Variants in CDH10 observed in about 807,000 individuals in gnomAD.
CDH10 encodes cadherin 10.
A neutral mutation model predicts 73.1 loss-of-function variants in CDH10; 30 were observed. The observed-to-expected ratio is 0.41, with a 90% CI of 0.31 to 0.56. The LOEUF is 0.56. Among genes scored for constraint, CDH10 ranks in the 20% least tolerant of loss-of-function variants. CDH10 has a pLI of 0.27. For missense variants in CDH10, 815 were observed against 973.7 expected (o/e 0.84, Z 2.17); for synonymous variants, 345 against 348.2 (o/e 0.99, Z 0.10).
rs529644108 is a variant in CDH10, at chr5:24,569,932, T to A, written c.231+23328A>T. 2.5e-3 allele frequency among the ~76,000 whole-genome samples: 375 copies of A among 151,892 alleles called. 5 individuals carry two copies. Among genetic ancestry groups the A allele is most frequent in the African/African-American group, 8.6e-3 (357 of 41,394 alleles). ...GCGCGTGCCACGACGCCCGGCTAAT[T>A]TTTTTGTATTTTTAGTAGAGACGGG... is the stretch of plus-strand genomic sequence containing the variant. On this transcript the variant is annotated intron_variant, in intron 2 of 11. Transcript: ENST00000264463.
chr5:24,641,302 T>C (rs531065465), intron 1 of CDH10, among the ~76,000 whole-genome samples: 1 of 152,026 alleles, frequency 6.6e-6, no homozygotes, highest in South Asian at 2.1e-4. Flanking sequence ...AAAACAGGCA[T>C]TGCTTGGTAA....
intron 2 of CDH10, among the ~76,000 whole-genome samples, chr5:24,547,551 C>T (rs1342758455): frequency 6.6e-6 from 1 of 152,132 alleles, no homozygotes; most frequent in Non-Finnish European, 1.5e-5. Context: ...TGAAGGTCTT[C>T]AAGCACATTG....
chr5:24,584,630 C>A (rs1745923314), intron 2 of CDH10, among the ~76,000 whole-genome samples: 1 of 151,562 alleles, frequency 6.6e-6, no homozygotes, highest in African/African-American at 2.4e-5. Context: ...GCCACCACGT[C>A]TGGCTAATTT....
chr5:24,566,956 T>C (rs1372220870), intron 2 of CDH10, among the ~76,000 whole-genome samples: 2 of 152,120 alleles, frequency 1.3e-5, no homozygotes, highest in Non-Finnish European at 2.9e-5. Flanking sequence ...AAATATCTTA[T>C]ATCCAGAATA....
At chr5:24,491,959 A>G in intron 10 of CDH10, 132 bp from the exon 11 acceptor site, 1 of 582,866 alleles carries the variant, frequency 1.7e-6, no homozygotes, top group Non-Finnish European at 2.9e-6. Flanking sequence ...TTCCTAAAAA[A>G]CAAGTACAAT....
intron 5 of CDH10, among the ~76,000 whole-genome samples, chr5:24,534,303 T>G (rs964041201): frequency 1.3e-5 from 2 of 151,876 alleles, no homozygotes; most frequent in Admixed American, 6.6e-5. Flanking sequence ...AGTCGAATAT[T>G]TTTTTTTGTG....
chr5:24,506,331 C>T (rs987587183), intron 7 of CDH10, among the ~76,000 whole-genome samples: 1 of 152,072 alleles, frequency 6.6e-6, no homozygotes, highest in African/African-American at 2.4e-5. Flanking sequence ...TAAATAGATC[C>T]CATTATCTTT....
intron 2 of CDH10, among the ~76,000 whole-genome samples, chr5:24,581,583 T>C (rs1294157874): frequency 6.6e-6 from 1 of 152,200 alleles, no homozygotes; most frequent in African/African-American, 2.4e-5. Flanking sequence ...TGTGACCAAG[T>C]GACCTAGAGA....
chr5:24,506,718 TTTGTTAAA>T (rs1161416394), intron 7 of CDH10, among the ~76,000 whole-genome samples: 1 of 152,230 alleles, frequency 6.6e-6, no homozygotes. Flanking sequence ...TCCACAAATA[TTTGTTAAA>T]TGAAAGAAAG....
chr5:24,527,080 AT>A (rs1743559315), intron 5 of CDH10, among the ~76,000 whole-genome samples: 1 of 114,694 alleles, frequency 8.7e-6, no homozygotes, highest in Non-Finnish European at 2.0e-5. Flanking sequence ...TGTCTAAAAT[AT>A]TTAATTATTT....
At chr5:24,585,141 C>T (rs1052093083) in intron 2 of CDH10, among the ~76,000 whole-genome samples, 1 of 152,128 alleles carries the variant, frequency 6.6e-6, no homozygotes, top group African/African-American at 2.4e-5. Context: ...CCACTGCACC[C>T]GGCCCACTTA....
intron 2 of CDH10, among the ~76,000 whole-genome samples, chr5:24,591,414 C>A (rs1746196336): frequency 6.6e-6 from 1 of 151,916 alleles, no homozygotes; most frequent in Non-Finnish European, 1.5e-5. Flanking sequence ...TCAGCACAGT[C>A]TACATGGAAA....
At chr5:24,543,394 T>A (rs909499379) in intron 2 of CDH10, among the ~76,000 whole-genome samples, 1 of 152,160 alleles carries the variant, frequency 6.6e-6, no homozygotes, top group Non-Finnish European at 1.5e-5. Context: ...GATGAATGAA[T>A]CACAAGGATT....
intron 11 of CDH10, among the ~76,000 whole-genome samples, chr5:24,488,542 CAAGT>C (rs952887598): frequency 2.6e-5 from 4 of 152,058 alleles, no homozygotes; most frequent in African/African-American, 9.7e-5. Context: ...AATTCAGCTT[CAAGT>C]AAGACAATTT....
Position 24,497,133 on chromosome 5 carries a change from TAGAC to T in CDH10, c.1515+1261_1515+1264del, listed in dbSNP as rs1383271912. 5.3e-5 allele frequency among the ~76,000 whole-genome samples: 8 copies of T among 151,902 alleles called. No homozygotes were observed. In the East Asian group the frequency reaches 5.8e-4, roughly 11 times the overall value. ...GAGCCAGTTATAGTGAAAAAGAAAA[TAGAC>T]AGAAGGAAAATAAACAAACATACTT... On this transcript the variant is annotated intron_variant, in intron 9 of 11. Coordinates refer to ENST00000264463, the MANE Select transcript of CDH10 (RefSeq NM_006727.5).
chr5:24,589,284 T>C (rs1746125605), intron 2 of CDH10, among the ~76,000 whole-genome samples: 1 of 152,138 alleles, frequency 6.6e-6, no homozygotes, highest in Non-Finnish European at 1.5e-5. Flanking sequence ...TCAGGAGATC[T>C]TGTTAGAAGT....
intron 2 of CDH10, among the ~76,000 whole-genome samples, chr5:24,587,847 A>G (rs1202153589): frequency 6.6e-6 from 1 of 152,172 alleles, no homozygotes; most frequent in African/African-American, 2.4e-5. Context: ...ACTTTGCTAA[A>G]ATGATATAGT....
At chr5:24,552,863 T>G (rs1472282175) in intron 2 of CDH10, among the ~76,000 whole-genome samples, 3 of 152,158 alleles carry the variant, frequency 2.0e-5, no homozygotes, top group Non-Finnish European at 4.4e-5. Context: ...TTTCATCTTG[T>G]TGGAGATAAG....
chr5:24,534,351 C>A (rs1743861798), intron 5 of CDH10, among the ~76,000 whole-genome samples: 1 of 151,880 alleles, frequency 6.6e-6, no homozygotes, highest in African/African-American at 2.4e-5. Context: ...TCTTTAAATA[C>A]AGGATCTTTT....
Sources: allele counts gnomAD v4.1 joint callset (sites outside exome capture counted in the v4.1 genomes callset), GRCh38; gene constraint gnomAD v4.1.1; transcripts MANE v1.5; gene names NCBI Gene and HGNC (gene_info 2026-07-23, HGNC 2026-07-21).